The following VPS29 variants were observed in gnomAD, a reference collection of about 807,000 sequenced individuals.
VPS29 encodes VPS29 retromer complex component.
Under a neutral mutation model 20.0 loss-of-function variants are expected in VPS29, and 2 were observed. The ratio of observed to expected loss-of-function variants is 0.10; its 90% CI spans 0.04 to 0.31. VPS29 has a LOEUF of 0.31. Among genes scored for constraint, VPS29 ranks in the 10% least tolerant of loss-of-function variants. VPS29 has a pLI of 1.00. For synonymous variants in VPS29, 81 were observed against 79.3 expected (o/e 1.02, Z -0.12); for missense variants, 120 against 215.3 (o/e 0.56, Z 2.77).
rs776592356 is a variant in VPS29 at position 110,493,191 on chromosome 12, T to A, written c.236A>T (p.Gln79Leu). 4.5e-6 allele frequency: 7 copies of A among 1,569,124 alleles called. No homozygotes were observed. The South Asian group carries it at 8.3e-5, about 19-fold the overall frequency. ...YPEQKVVTVG[Q>L]FKIGLIHGHQ... is the part of the protein sequence containing the mutation. Reference sequence around the variant, plus strand: ...TCCATGGATCAGACCAATTTTGAACTGTCCAACAGTCACAACTTTCTGTTC... The same window carrying A: ...TCCATGGATCAGACCAATTTTGAACAGTCCAACAGTCACAACTTTCTGTTC... Residue 79 changes from glutamine (Q) to leucine (L), a missense_variant, in exon 3 of 4, where the codon CAG (glutamine) becomes CTG (leucine). Physicochemically the swap from Gln to Leu is moderately radical, Grantham distance 113. Coordinates refer to ENST00000549578, the MANE Select transcript of VPS29 (RefSeq NM_016226.5).
At chr12:110,501,429 T>G (rs1565866518) in intron 1 of VPS29, 1 of 1,535,396 alleles carries the variant, frequency 6.5e-7, no homozygotes, top group South Asian at 1.2e-5. Flanking sequence ...TAAAGAGGCG[T>G]AGCAACCCGT....
At chr12:110,501,907 C>T (rs991631985) in intron 1 of VPS29, 142 bp downstream of exon 1, 8 of 1,565,360 alleles carry the variant, frequency 5.1e-6, no homozygotes, top group African/African-American at 1.4e-5. Flanking sequence ...CTCTTCTGGG[C>T]CTTTCCCAGG....
At chr12:110,501,747 CT>C (rs1440823925) in intron 1 of VPS29, 1 of 1,123,462 alleles carries the variant, frequency 8.9e-7, no homozygotes, top group Admixed American at 2.0e-5. Flanking sequence ...GACCAAAGGC[CT>C]TCCCTGGCTC....
intron 3 of VPS29, among the ~76,000 whole-genome samples, chr12:110,492,709 C>T (rs572743119): frequency 4.0e-5 from 6 of 151,414 alleles, no homozygotes; most frequent in Admixed American, 1.3e-4. Context: ...GCAGTCTCAA[C>T]CTCCTAGGCT....
At chr12:110,498,369 C>CTTTAA (rs2062942282) in intron 1 of VPS29, among the ~76,000 whole-genome samples, 1 of 152,124 alleles carries the variant, frequency 6.6e-6, no homozygotes, top group South Asian at 2.1e-4. Flanking sequence ...TGTACATGCC[C>CTTTAA]TTTAACTGCT....
chr12:110,495,498 G>A (rs1219369634), intron 2 of VPS29, among the ~76,000 whole-genome samples: 1 of 152,054 alleles, frequency 6.6e-6, no homozygotes, highest in Non-Finnish European at 1.5e-5. Context: ...ATCACCTGAG[G>A]TCACGAGTTC....
intron 1 of VPS29, 24 bp downstream of exon 1, chr12:110,502,025 G>GGT: frequency 6.2e-7 from 1 of 1,613,124 alleles, no homozygotes; most frequent in Non-Finnish European, 8.5e-7. Context: ...GCCAGGCCTT[G>GGT]GTCGCCGCAA....
chr12:110,501,548 T>C (rs962169943), intron 1 of VPS29: 1 of 1,535,286 alleles, frequency 6.5e-7, no homozygotes, highest in African/African-American at 1.4e-5. Context: ...GAGGGTGGTT[T>C]ATTCCCTTTC....
At chr12:110,501,687 G>A in intron 1 of VPS29, 1 of 1,433,272 alleles carries the variant, frequency 7.0e-7, no homozygotes, top group Non-Finnish European at 9.5e-7. Context: ...AGTAGGAACC[G>A]TCTGGAAACG....
At chr12:110,497,739 A>C (rs1328128610) in intron 1 of VPS29, among the ~76,000 whole-genome samples, 1 of 151,480 alleles carries the variant, frequency 6.6e-6, no homozygotes, top group Non-Finnish European at 1.5e-5. Flanking sequence ...AAAAAGAAAA[A>C]TACAAAAGTT....
At chr12:110,501,894 G>A in intron 1 of VPS29, 155 bp downstream of exon 1, 3 of 1,529,426 alleles carry the variant, frequency 2.0e-6, no homozygotes, top group South Asian at 1.2e-5. Context: ...TCCTTCCCTA[G>A]ACCTCTTCTG....
At chr12:110,493,518 C>A (rs1161694494) in intron 2 of VPS29, among the ~76,000 whole-genome samples, 2 of 152,050 alleles carry the variant, frequency 1.3e-5, no homozygotes, top group African/African-American at 4.8e-5. Context: ...CGCCACCACG[C>A]CCGCCTAATT....
At chr12:110,496,246 A>G (rs761937063) in intron 1 of VPS29, 43 bp from the exon 2 acceptor site, 3 of 1,497,478 alleles carry the variant, frequency 2.0e-6, no homozygotes, top group Admixed American at 3.7e-5. Flanking sequence ...GTTAAACACA[A>G]TATCAAAACA....
In VPS29 at chr12:110,502,102, C is replaced by G; in HGVS notation, c.-51G>C. On this transcript the variant is annotated 5_prime_UTR_variant, in exon 1 of 4. Coordinates refer to ENST00000549578, the MANE Select transcript of VPS29 (RefSeq NM_016226.5). ...CCACCACCGTCGCCGCCCTCTTCCT[C>G]AGGCTCCTCGGCGACCCGCCCACTT... 1.9e-6 allele frequency: 3 copies of G among 1,595,578 alleles called. No individual in the cohort carries two copies. Among genetic ancestry groups the G allele is most frequent in the Non-Finnish European group, 1.7e-6 (2 of 1,168,696 alleles).
intron 1 of VPS29, chr12:110,499,502 CACT>C (rs1252074334): frequency 6.2e-7 from 1 of 1,611,932 alleles, no homozygotes. Flanking sequence ...ACCCAACCAC[CACT>C]GTTAGTAGGA....
chr12:110,493,273 A>G, intron 2 of VPS29, 42 bp from the exon 3 acceptor site: 1 of 1,351,662 alleles, frequency 7.4e-7, no homozygotes, highest in African/African-American at 1.5e-5. Context: ...TATTTTAGAG[A>G]TACTGATGTT....
Position 110,492,984 on chromosome 12 carries a change from T to C in VPS29, c.431+12A>G, listed in dbSNP as rs1337179483. The C allele has an allele frequency of 6.3e-7, 1 of 1,599,220 alleles. No homozygotes were observed. Among genetic ancestry groups the C allele is most frequent in the Non-Finnish European group, 8.5e-7 (1 of 1,173,604 alleles). On this transcript the variant is annotated intron_variant, in intron 3 of 3. Coordinates refer to ENST00000549578, the MANE Select transcript of VPS29 (RefSeq NM_016226.5). ...CTAAAGCCCCCAAATTCCCAAATTC[T>C]ATACTACTCACGTTTCCAAGGCATT...
intron 1 of VPS29, among the ~76,000 whole-genome samples, chr12:110,498,294 T>C (rs1355152616): frequency 6.6e-6 from 1 of 152,170 alleles, no homozygotes; most frequent in Non-Finnish European, 1.5e-5. Flanking sequence ...TTTCTTCATG[T>C]TGATCAGTAT....
At position 110,502,071 on chromosome 12, in the gene VPS29, C is replaced by A; in HGVS notation, c.-20G>T. The A allele has an allele frequency of 6.2e-7, 1 of 1,610,712 alleles. No homozygotes were observed. Among genetic ancestry groups the A allele is most frequent in the Non-Finnish European group, 8.5e-7 (1 of 1,179,244 alleles). Reference sequence around the variant, plus strand: ...CACCATCCTGTCACCGGGCTCCGCTCAGTCACCACCACCGTCGCCGCCCTC... The same window carrying A: ...CACCATCCTGTCACCGGGCTCCGCTAAGTCACCACCACCGTCGCCGCCCTC... On this transcript the variant is annotated 5_prime_UTR_variant, in exon 1 of 4. Coordinates refer to ENST00000549578, the MANE Select transcript of VPS29 (RefSeq NM_016226.5).
Sources: allele counts gnomAD v4.1 joint callset (sites outside exome capture counted in the v4.1 genomes callset), GRCh38; gene constraint gnomAD v4.1.1; transcripts MANE v1.5; gene names NCBI Gene and HGNC (gene_info 2026-07-23, HGNC 2026-07-21).